Variants in ERBB4 observed in about 807,000 individuals in gnomAD.
The protein encoded by ERBB4 is erb-b2 receptor tyrosine kinase 4.
A neutral mutation model predicts 158.0 loss-of-function variants in ERBB4; 42 were observed. That is an observed-to-expected ratio of 0.27 (90% confidence interval 0.21 to 0.34). The LOEUF is 0.34. Ranked by LOEUF, ERBB4 falls within the 10% of genes least tolerant of loss-of-function variation. ERBB4 has a pLI of 1.00. For synonymous variants in ERBB4, 583 were observed against 558.7 expected (o/e 1.04, Z -0.61); for missense variants, 1,333 against 1,624.1 (o/e 0.82, Z 3.08).
At chr2:212,096,873 C>A (rs2078947625) in intron 2 of ERBB4, among the ~76,000 whole-genome samples, 1 of 152,054 alleles carries the variant, frequency 6.6e-6, no homozygotes, top group Non-Finnish European at 1.5e-5. Context: ...AAGCAATGTA[C>A]CCTTTTGCCT....
At chr2:212,354,478 AT>A (rs2089388252) in intron 1 of ERBB4, among the ~76,000 whole-genome samples, 1 of 152,132 alleles carries the variant, frequency 6.6e-6, no homozygotes, top group South Asian at 2.1e-4. Flanking sequence ...TCAGCAATAT[AT>A]TTACATGCAA....
intron 2 of ERBB4, among the ~76,000 whole-genome samples, chr2:212,105,555 T>G (rs2079200544): frequency 6.6e-6 from 1 of 152,200 alleles, no homozygotes; most frequent in Non-Finnish European, 1.5e-5. Context: ...GATACTGGAG[T>G]GTCATTTTTG....
chr2:211,551,737 A>T (rs1229553563), intron 20 of ERBB4, among the ~76,000 whole-genome samples: 8 of 152,214 alleles, frequency 5.3e-5, no homozygotes, highest in African/African-American at 1.2e-4. Flanking sequence ...CCAGAATTAA[A>T]CTAGAAATGT....
intron 20 of ERBB4, among the ~76,000 whole-genome samples, chr2:211,472,471 T>C (rs2064850764): frequency 6.6e-6 from 1 of 151,626 alleles, no homozygotes; most frequent in South Asian, 2.1e-4. Flanking sequence ...ACTCTTCTTA[T>C]AAAACGCTAT....
At chr2:212,382,338 C>T (rs917545985) in intron 1 of ERBB4, among the ~76,000 whole-genome samples, 2 of 150,462 alleles carry the variant, frequency 1.3e-5, no homozygotes, top group East Asian at 1.9e-4. Flanking sequence ...ATATAAAACA[C>T]ATATGTGCAT....
chr2:211,731,343 A>G (rs1272938716), intron 5 of ERBB4, among the ~76,000 whole-genome samples: 1 of 152,112 alleles, frequency 6.6e-6, no homozygotes, highest in East Asian at 1.9e-4. Context: ...ACAAATTATG[A>G]TCATAAAACA....
At chr2:212,362,489 G>C (rs1011315218) in intron 1 of ERBB4, among the ~76,000 whole-genome samples, 2 of 150,338 alleles carry the variant, frequency 1.3e-5, no homozygotes, top group Non-Finnish European at 3.0e-5. Context: ...TCTCTAATTG[G>C]TAAAAAGAAA....
Position 211,684,704 on chromosome 2 carries a change from G to A in ERBB4, c.1490-5520C>T, listed in dbSNP as rs181685475. On this transcript the variant is annotated intron_variant, in intron 12 of 27. Coordinates refer to ENST00000342788, the MANE Select transcript of ERBB4 (RefSeq NM_005235.3). ...ATGTTCTTTCATGTCCTGCATGCCA[G>A]AGAAATCACTGATGCCAGCTGGTCT... 1.4e-3 allele frequency among the ~76,000 whole-genome samples: 208 copies of A among 152,274 alleles called. 1 individual carries two copies. Among genetic ancestry groups the A allele is most frequent in the African/African-American group, 4.8e-3 (198 of 41,566 alleles).
chr2:211,610,504 T>G (rs552911432), intron 19 of ERBB4, among the ~76,000 whole-genome samples: 5 of 152,328 alleles, frequency 3.3e-5, no homozygotes, highest in Non-Finnish European at 5.9e-5. Context: ...GATTTCTACC[T>G]GCATTTTATG....
At chr2:211,733,452 C>T (rs952427565) in intron 5 of ERBB4, among the ~76,000 whole-genome samples, 14 of 147,436 alleles carry the variant, frequency 9.5e-5, no homozygotes, top group African/African-American at 3.8e-4. Flanking sequence ...GTAAGAATAC[C>T]ATAGTATTTT....
intron 12 of ERBB4, among the ~76,000 whole-genome samples, chr2:211,691,586 GTGTGTGTGTGTGTGTGTA>G (rs895194097): frequency 2.1e-5 from 3 of 146,016 alleles, no homozygotes; most frequent in Non-Finnish European, 4.6e-5. Flanking sequence ...GTGTGTGTGT[GTGTGTGTGTGTGTGTGTA>G]TATATATAAC....
intron 1 of ERBB4, among the ~76,000 whole-genome samples, chr2:212,431,673 A>G (rs74400104): frequency 3.5e-3 from 529 of 152,318 alleles, no homozygotes; most frequent in African/African-American, 0.012. Flanking sequence ...CTATTATTCT[A>G]TGATGACATC....
intron 16 of ERBB4, among the ~76,000 whole-genome samples, chr2:211,654,647 T>C (rs1458643214): frequency 1.3e-5 from 2 of 152,216 alleles, no homozygotes; most frequent in Non-Finnish European, 2.9e-5. Flanking sequence ...ATGCTGGCTA[T>C]TGTGCATTAT....
chr2:212,233,581 T>C (rs1023908262), intron 1 of ERBB4, among the ~76,000 whole-genome samples: 5 of 151,966 alleles, frequency 3.3e-5, no homozygotes, highest in Non-Finnish European at 7.3e-5. Flanking sequence ...ATTAGACAGA[T>C]TTATCATTAT....
At chr2:212,246,539 G>T (rs1468487294) in intron 1 of ERBB4, among the ~76,000 whole-genome samples, 1 of 152,172 alleles carries the variant, frequency 6.6e-6, no homozygotes, top group African/African-American at 2.4e-5. Flanking sequence ...TAATCAAGTA[G>T]CTTACAAGTT....
At chr2:212,268,132 A>T (rs1383344723) in intron 1 of ERBB4, among the ~76,000 whole-genome samples, 1 of 151,888 alleles carries the variant, frequency 6.6e-6, no homozygotes, top group Non-Finnish European at 1.5e-5. Flanking sequence ...ACAAAAGCTG[A>T]GGCAGTTTGG....
chr2:211,884,415 G>A (rs552327613), intron 3 of ERBB4, among the ~76,000 whole-genome samples: 10 of 152,026 alleles, frequency 6.6e-5, no homozygotes, highest in Non-Finnish European at 1.5e-5. Context: ...CCACGGAAAC[G>A]GCAGAAAAGT....
At chr2:212,393,883 C>T (rs774811172) in intron 1 of ERBB4, among the ~76,000 whole-genome samples, 27 of 152,098 alleles carry the variant, frequency 1.8e-4, no homozygotes, top group South Asian at 4.2e-4. Flanking sequence ...TCATTTGTTC[C>T]ACTTCTAGGC....
intron 4 of ERBB4, among the ~76,000 whole-genome samples, chr2:211,753,338 C>T (rs1184217232): frequency 6.6e-6 from 1 of 151,730 alleles, no homozygotes; most frequent in Non-Finnish European, 1.5e-5. Context: ...AACCACGTAT[C>T]CCTGATTATT....
Sources: gnomAD v4.1 joint callset for allele counts (sites outside exome capture counted in the v4.1 genomes callset) on GRCh38, gnomAD v4.1.1 for gene constraint, MANE v1.5 for transcripts, NCBI Gene and HGNC (gene_info 2026-07-23, HGNC 2026-07-21) for gene names.